RBFOX1: variants seen among roughly 807,000 people sequenced by gnomAD.
RBFOX1 encodes the protein RNA binding protein fox-1 homolog 1.
Under a neutral mutation model 57.7 loss-of-function variants are expected in RBFOX1, and 8 were observed. That is an observed-to-expected ratio of 0.14 (90% CI 0.08 to 0.25). RBFOX1 has a LOEUF of 0.25. Among genes scored for constraint, RBFOX1 ranks in the 10% least tolerant of loss-of-function variants. The pLI, the probability that RBFOX1 is intolerant of heterozygous loss-of-function variation, is 1.00. For synonymous variants in RBFOX1, 326 were observed against 222.4 expected, an observed-to-expected ratio of 1.47 and a Z score of -4.15; for missense variants, 611 against 548.5, an observed-to-expected ratio of 1.11 and a Z score of -1.14.
At chr16:7,084,987 C>T (rs1599036155) in intron 4 of RBFOX1, among the ~76,000 whole-genome samples, 1 of 152,256 alleles carries the variant, frequency 6.6e-6, no homozygotes, top group South Asian at 2.1e-4. Flanking sequence ...TCCATCCGTC[C>T]ATCCATCCAT....
At chr16:6,813,560 C>G (rs1162793607) in intron 3 of RBFOX1, among the ~76,000 whole-genome samples, 2 of 152,196 alleles carry the variant, frequency 1.3e-5, no homozygotes. Context: ...CTGAATCTCA[C>G]TAAGTGTCTC....
chr16:7,067,796 T>G (rs1381218425), intron 4 of RBFOX1, among the ~76,000 whole-genome samples: 1 of 151,226 alleles, frequency 6.6e-6, no homozygotes, highest in Non-Finnish European at 1.5e-5. Flanking sequence ...TTTGATTTTT[T>G]GTCCTTGCGA....
At chr16:6,134,323 T>C (rs2096650700) in intron 1 of RBFOX1, among the ~76,000 whole-genome samples, 1 of 152,200 alleles carries the variant, frequency 6.6e-6, no homozygotes, top group Non-Finnish European at 1.5e-5. Context: ...GGTTATTGGA[T>C]TCAGGTCTGC....
rs570358262 is a variant in RBFOX1, at chr16:6,043,120, G to GAAAAAAAAA, written c.-127+23162_-127+23170dup. Among the ~76,000 whole-genome samples, 295 of 70,222 alleles carry GAAAAAAAAA rather than the reference G, an allele frequency of 4.2e-3. 12 individuals are homozygous for GAAAAAAAAA. Among genetic ancestry groups the GAAAAAAAAA allele is most frequent in the Non-Finnish European group, 5.2e-3 (200 of 38,232 alleles). 46.1% of individuals were successfully genotyped at this position (70,222 alleles called of 152,430 possible). ...GCGACAGAGCAAGATTGTGTTTCCA[G>GAAAAAAAAA]AAAAAAAAAAAAAAAAAAAAAAAAA... On this transcript the variant is annotated intron_variant, in intron 1 of 15. Coordinates refer to ENST00000550418, the MANE Select transcript of RBFOX1 (RefSeq NM_018723.4).
intron 3 of RBFOX1, among the ~76,000 whole-genome samples, chr16:5,691,367 C>A (rs2050675629): frequency 6.6e-6 from 1 of 152,154 alleles, no homozygotes; most frequent in Non-Finnish European, 1.5e-5. Context: ...TGGAGTGCTG[C>A]ATAGAGCCAT....
At chr16:7,282,271 G>A (rs2095560478) in intron 4 of RBFOX1, among the ~76,000 whole-genome samples, 1 of 152,160 alleles carries the variant, frequency 6.6e-6, no homozygotes, top group African/African-American at 2.4e-5. Flanking sequence ...CAAGTAAATG[G>A]CATTTGCAAA....
chr16:7,565,038 G>A (rs1036076286), intron 5 of RBFOX1, among the ~76,000 whole-genome samples: 1 of 152,148 alleles, frequency 6.6e-6, no homozygotes, highest in Admixed American at 6.5e-5. Flanking sequence ...TTTGTTTGCC[G>A]ACGGAGCTCA....
intron 2 of RBFOX1, among the ~76,000 whole-genome samples, chr16:6,433,066 T>C (rs996096553): frequency 2.0e-5 from 3 of 152,188 alleles, no homozygotes; most frequent in African/African-American, 7.2e-5. Context: ...GGCTGTTGAT[T>C]TGGGAACAGA....
At chr16:7,709,997 G>A (rs7191615) in intron 15 of RBFOX1, 83,006 of 1,006,584 alleles carry the variant, frequency 0.082, 3,612 homozygotes, top group African/African-American at 0.14. Context: ...AAAGGAAATC[G>A]TTAAGTGCCA....
chr16:5,738,635 G>GAAAGAAAA lies in RBFOX1; in HGVS notation c.319-128665_319-128664insGAAAAAAA, dbSNP rs2052666033. Among the ~76,000 whole-genome samples, 3 of 61,192 alleles carry GAAAGAAAA rather than the reference G, an allele frequency of 4.9e-5. No individual in the cohort carries two copies. The South Asian group carries it at 2.1e-3, about 44-fold the overall frequency. The allele number at this position is 61,192 out of a possible 152,430, so 40.1% of individuals were successfully genotyped here. A position where few individuals can be genotyped will look rare whatever the true frequency, so the allele number is the denominator to read the frequency against. ...GGCGACAGAGCAAGGCTCTGTCTCA[G>GAAAGAAAA]AAAAAAAAAAAAAAAAAAAAGGGAA... On this transcript the variant is annotated intron_variant, in intron 3 of 19. Transcript: ENST00000641259.
chr16:5,787,304 T>A (rs887302537), intron 3 of RBFOX1, among the ~76,000 whole-genome samples: 2 of 151,934 alleles, frequency 1.3e-5, no homozygotes, highest in African/African-American at 4.8e-5. Context: ...GCATCAGAGG[T>A]GTCCTCCAGT....
chr16:7,609,099 T>C (rs998679050), intron 10 of RBFOX1, among the ~76,000 whole-genome samples: 13 of 152,216 alleles, frequency 8.5e-5, no homozygotes, highest in African/African-American at 3.1e-4. Context: ...AGACAACAGC[T>C]TCCATGTGTC....
At chr16:5,562,439 G>T (rs1214379995) in intron 2 of RBFOX1, among the ~76,000 whole-genome samples, 1 of 152,116 alleles carries the variant, frequency 6.6e-6, no homozygotes, top group Non-Finnish European at 1.5e-5. Flanking sequence ...AGATGCTGGG[G>T]CCAGGGCTGC....
chr16:7,667,008 C>T (rs559814735), intron 13 of RBFOX1, among the ~76,000 whole-genome samples: 1 of 152,318 alleles, frequency 6.6e-6, no homozygotes, highest in Admixed American at 6.5e-5. Context: ...CCACGACCCC[C>T]AGCCAGAAAT....
chr16:5,294,340 G>A lies in RBFOX1; in HGVS notation c.219+54235G>A, dbSNP rs534224952. On this transcript the variant is annotated intron_variant, in intron 1 of 2. Transcript: ENST00000585867. ...CTGGGTTGCAGAGCCTGGGCACTGC[G>A]GTTTTAAAATCTCCCCAGCTGATTG... Among the ~76,000 whole-genome samples the A allele has an allele frequency of 2.8e-4, 43 of 152,276 alleles. 1 individual carries two copies. The South Asian group carries it at 7.5e-3, about 26-fold the overall frequency.
intron 2 of RBFOX1, among the ~76,000 whole-genome samples, chr16:6,344,147 C>T (rs553261171): frequency 1.1e-4 from 16 of 152,236 alleles, no homozygotes; most frequent in Non-Finnish European, 2.1e-4. Flanking sequence ...GCAACCTCCA[C>T]CTCCCGGGTT....
intron 3 of RBFOX1, among the ~76,000 whole-genome samples, chr16:6,937,721 A>G (rs1031525193): frequency 2.6e-5 from 4 of 152,236 alleles, no homozygotes. Flanking sequence ...ATAGAAAAGA[A>G]TGTCTGGGTT....
chr16:7,469,768 A>C (rs951404342), intron 4 of RBFOX1, among the ~76,000 whole-genome samples: 7 of 152,172 alleles, frequency 4.6e-5, no homozygotes, highest in Non-Finnish European at 8.8e-5. Flanking sequence ...TTGTGCAATT[A>C]CTACCATTGA....
chr16:7,510,080 C>G, intron 4 of RBFOX1: 2 of 949,618 alleles, frequency 2.1e-6, no homozygotes, highest in Non-Finnish European at 2.5e-6. Flanking sequence ...CCAGGCCTTC[C>G]TGGCAGAAAA....
Sources: gnomAD v4.1 joint callset for allele counts (sites outside exome capture counted in the v4.1 genomes callset) on GRCh38, gnomAD v4.1.1 for gene constraint, MANE v1.5 for transcripts, NCBI Gene and HGNC (gene_info 2026-07-23, HGNC 2026-07-21) for gene names.